The following OXR1 variants were observed in gnomAD, a reference collection of about 807,000 sequenced individuals.
OXR1 encodes the protein oxidation resistance 1.
OXR1 carries 41 observed loss-of-function variants against 104.6 expected under a neutral mutation model. The ratio of observed to expected loss-of-function variants is 0.39; its 90% confidence interval spans 0.31 to 0.51. The LOEUF is 0.51. Among genes scored for constraint, OXR1 ranks in the 20% least tolerant of loss-of-function variants. The pLI is 0.77. For synonymous variants in OXR1, 348 were observed against 348.4 expected (o/e 1.00, Z 0.01); for missense variants, 955 against 1,031.9 (o/e 0.93, Z 1.02).
intron 7 of OXR1, among the ~76,000 whole-genome samples, chr8:106,700,687 C>G (rs765771990): frequency 6.6e-6 from 1 of 152,126 alleles, no homozygotes; most frequent in Non-Finnish European, 1.5e-5. Flanking sequence ...GAATTAAAAG[C>G]ATTATCAGTA....
intron 3 of OXR1, among the ~76,000 whole-genome samples, chr8:106,678,031 ATTAAC>A (rs1827778376): frequency 1.3e-5 from 2 of 152,092 alleles, no homozygotes; most frequent in South Asian, 2.1e-4. Context: ...AAACCCAAAT[ATTAAC>A]TTAACACTGT....
At chr8:106,273,231 A>C (rs1811889508) in intron 1 of OXR1, among the ~76,000 whole-genome samples, 1 of 151,460 alleles carries the variant, frequency 6.6e-6, no homozygotes, top group Non-Finnish European at 1.5e-5. Context: ...CCCTAAGATA[A>C]AGTCATTACA....
At chr8:106,374,097 G>T (rs756493792) in intron 2 of OXR1, among the ~76,000 whole-genome samples, 34 of 152,244 alleles carry the variant, frequency 2.2e-4, no homozygotes, top group Middle Eastern at 3.4e-3. Context: ...TTACATAATT[G>T]CCTAGAAAGG....
rs572597716 is a variant in OXR1 at position 106,736,120 on chromosome 8, T to C, written c.1957-1400T>C. Reference sequence around the variant, plus strand: ...ATGCACTTTTACTATTTTCATTGTTTTATAACAAAATTGATAGGCAATGGG... The same window carrying C: ...ATGCACTTTTACTATTTTCATTGTTCTATAACAAAATTGATAGGCAATGGG... On this transcript the variant is annotated intron_variant, in intron 11 of 16. Transcript: ENST00000517566. 6.6e-5 allele frequency among the ~76,000 whole-genome samples: 10 copies of C among 152,104 alleles called. No individual in the cohort carries two copies. In the East Asian group the frequency reaches 1.2e-3, roughly 18 times the overall value.
intron 3 of OXR1, among the ~76,000 whole-genome samples, chr8:106,583,947 A>G (rs924208284): frequency 2.0e-5 from 3 of 152,070 alleles, no homozygotes; most frequent in African/African-American, 7.2e-5. Flanking sequence ...TTGAGGTTCA[A>G]CTCCTAATAT....
intron 1 of OXR1, among the ~76,000 whole-genome samples, chr8:106,309,293 T>G (rs1019336030): frequency 6.6e-6 from 1 of 152,192 alleles, no homozygotes; most frequent in African/African-American, 2.4e-5. Context: ...ATTCTTATAT[T>G]GAGCAAAACA....
At chr8:106,538,106 T>C (rs944211015) in intron 3 of OXR1, among the ~76,000 whole-genome samples, 2 of 152,218 alleles carry the variant, frequency 1.3e-5, no homozygotes, top group African/African-American at 4.8e-5. Context: ...TGTGTGGTCC[T>C]GGACCTGGGT....
chr8:106,678,181 ATAT>A (rs1013502053), intron 3 of OXR1, among the ~76,000 whole-genome samples: 1 of 151,890 alleles, frequency 6.6e-6, no homozygotes, highest in Non-Finnish European at 1.5e-5. Context: ...GGGGATTTTG[ATAT>A]TATTATTATT....
intron 2 of OXR1, among the ~76,000 whole-genome samples, chr8:106,477,573 A>G (rs1821875742): frequency 6.6e-6 from 1 of 152,012 alleles, no homozygotes; most frequent in Non-Finnish European, 1.5e-5. Context: ...GTAATAAATG[A>G]TAAAATAGAC....
intron 2 of OXR1, among the ~76,000 whole-genome samples, chr8:106,372,072 C>T (rs1011862503): frequency 3.3e-5 from 5 of 152,246 alleles, no homozygotes; most frequent in Admixed American, 6.5e-5. Context: ...AGGAGTTCAG[C>T]AGGCTTAGGC....
chr8:106,358,223 T>A (rs1166223691), intron 1 of OXR1, among the ~76,000 whole-genome samples: 1 of 152,224 alleles, frequency 6.6e-6, no homozygotes, highest in Non-Finnish European at 1.5e-5. Context: ...ATACACCTCC[T>A]TCCCTGGTGT....
In OXR1 at chr8:106,307,232, A is replaced by G. The variant is rs548519150; in HGVS notation, c.-139+36865A>G. On this transcript the variant is annotated intron_variant, in intron 1 of 16. Transcript: ENST00000517566. ...GGAGGCGTGGGCATGCCTCCTTTTCAGTATAAGTTTGTCCATGGATCAAAT... is the reference window on the plus strand; with the variant it reads ...GGAGGCGTGGGCATGCCTCCTTTTCGGTATAAGTTTGTCCATGGATCAAAT... Among the ~76,000 whole-genome samples, 6 of 152,292 alleles carry G rather than the reference A, an allele frequency of 3.9e-5. No individual in the cohort carries two copies. In the East Asian group the frequency reaches 9.7e-4, roughly 25 times the overall value.
At chr8:106,409,744 G>A (rs1818386351) in intron 2 of OXR1, among the ~76,000 whole-genome samples, 1 of 152,090 alleles carries the variant, frequency 6.6e-6, no homozygotes, top group Admixed American at 6.6e-5. Context: ...TGGGCTTAAT[G>A]ATAGAAAAAG....
intron 2 of OXR1, among the ~76,000 whole-genome samples, chr8:106,440,765 C>T (rs1321665020): frequency 6.6e-6 from 1 of 151,970 alleles, no homozygotes; most frequent in Non-Finnish European, 1.5e-5. Context: ...AATAATTTAG[C>T]TTTAGTCTTT....
intron 2 of OXR1, among the ~76,000 whole-genome samples, chr8:106,429,640 A>G (rs1044898864): frequency 1.4e-5 from 2 of 146,748 alleles, no homozygotes; most frequent in Non-Finnish European, 3.0e-5. Flanking sequence ...AGCCTGGGCG[A>G]CAGAGCAAGA....
At chr8:106,534,903 T>C (rs1178947136) in intron 3 of OXR1, among the ~76,000 whole-genome samples, 1 of 152,236 alleles carries the variant, frequency 6.6e-6, no homozygotes, top group Non-Finnish European at 1.5e-5. Flanking sequence ...AAATACATTA[T>C]TGATAAGTTT....
intron 3 of OXR1, among the ~76,000 whole-genome samples, chr8:106,524,139 A>G (rs1813474271): frequency 6.6e-6 from 1 of 152,226 alleles, no homozygotes; most frequent in East Asian, 1.9e-4. Flanking sequence ...TGAATTTGAC[A>G]GTGAGCATAA....
chr8:106,685,385 C>G (rs913434561), intron 6 of OXR1, among the ~76,000 whole-genome samples: 1 of 152,156 alleles, frequency 6.6e-6, no homozygotes, highest in Non-Finnish European at 1.5e-5. Context: ...TCATGCCTGA[C>G]TAGAAACCTG....
chr8:106,545,746 C>G (rs34256508), intron 3 of OXR1, among the ~76,000 whole-genome samples: 61,283 of 151,960 alleles, frequency 0.4, 13,882 homozygotes, highest in Non-Finnish European at 0.5. Flanking sequence ...AACTGTAATC[C>G]CAGCACTTTG....
Sources: allele counts gnomAD v4.1 joint callset (sites outside exome capture counted in the v4.1 genomes callset), GRCh38; gene constraint gnomAD v4.1.1; transcripts MANE v1.5; gene names NCBI Gene and HGNC (gene_info 2026-07-23, HGNC 2026-07-21).